ANKRD55: variants seen among roughly 807,000 people sequenced by gnomAD.
ANKRD55 encodes the protein ankyrin repeat domain-containing protein 55.
In ANKRD55, 41 loss-of-function variants were observed where a neutral mutation model predicts 60.6. That is an observed-to-expected ratio of 0.68 (90% CI 0.53 to 0.88). The LOEUF is 0.88. ANKRD55 is among the 40% of genes least tolerant of loss of function. ANKRD55 has a pLI of 0.00. For synonymous variants in ANKRD55, 264 were observed against 290.3 expected (o/e 0.91, Z 0.92); for missense variants, 732 against 767.6 (o/e 0.95, Z 0.55).
intron 2 of ANKRD55, among the ~76,000 whole-genome samples, chr5:56,214,015 G>A (rs1759743262): frequency 6.6e-6 from 1 of 152,254 alleles, no homozygotes. Context: ...CAAAGGAGAA[G>A]CAGAGGCACA....
rs368831669 is a variant in ANKRD55 at position 56,219,183 on chromosome 5, G to C, written c.58+13673C>G. Among the ~76,000 whole-genome samples, 65 of 142,890 alleles carry C rather than the reference G, an allele frequency of 4.5e-4. 2 individuals are homozygous for C. The Middle Eastern group carries it at 0.031, about 68-fold the overall frequency. 93.7% of individuals were successfully genotyped at this position (142,890 alleles called of 152,430 possible). Reference sequence around the variant, plus strand: ...AGCTATGTGGGAGGCTGGGGCAGGAGAATCACTTAAACCCCGGAGGTGGAG... The same window carrying C: ...AGCTATGTGGGAGGCTGGGGCAGGACAATCACTTAAACCCCGGAGGTGGAG... On this transcript the variant is annotated intron_variant, in intron 2 of 11. Coordinates refer to ENST00000341048, the MANE Select transcript of ANKRD55 (RefSeq NM_024669.3).
intron 9 of ANKRD55, among the ~76,000 whole-genome samples, chr5:56,112,192 C>T (rs321777): frequency 0.21 from 32,396 of 151,874 alleles, 3,992 homozygotes; most frequent in Middle Eastern, 0.35. Flanking sequence ...GGTTTGAGTT[C>T]AGGCTTCAAT....
intron 2 of ANKRD55, among the ~76,000 whole-genome samples, chr5:56,189,228 G>A (rs2111840400): frequency 6.6e-6 from 1 of 151,190 alleles, no homozygotes; most frequent in East Asian, 1.9e-4. Flanking sequence ...GGAGAATGGT[G>A]TGAATCCGGG....
rs189393871 is a variant in ANKRD55, at chr5:56,150,757, C to G, written c.484-6828G>C. On this transcript the variant is annotated intron_variant, in intron 6 of 11. Transcript: ENST00000341048. The stretch of plus-strand genomic sequence containing the variant: ...TACTAAAAAATACAAAAATTAGCCA[C>G]GTGTGGCGGTGGGTGCCTGTAATCC... Among the ~76,000 whole-genome samples, 1,160 of 151,780 alleles carry G rather than the reference C, an allele frequency of 7.6e-3. 25 individuals are homozygous for G. The highest frequency in any genetic ancestry group is 0.027 in the African/African-American group (1,099 of 41,344).
intron 6 of ANKRD55, among the ~76,000 whole-genome samples, chr5:56,157,434 G>A (rs1002160818): frequency 6.6e-6 from 1 of 152,206 alleles, no homozygotes; most frequent in Non-Finnish European, 1.5e-5. Context: ...CTGTGCTGAG[G>A]AGGATTAGTA....
At chr5:56,183,484 C>A (rs1417172585) in intron 3 of ANKRD55, 28 bp downstream of exon 3, 64 of 1,612,214 alleles carry the variant, frequency 4.0e-5, no homozygotes, top group Non-Finnish European at 5.3e-5. Context: ...GCAGAACATT[C>A]TGGATTCAAA....
chr5:56,108,437 C>T (rs1012044442), intron 10 of ANKRD55: 4 of 152,324 alleles, frequency 2.6e-5, no homozygotes, highest in African/African-American at 4.8e-5. Context: ...CCTTCCTGAT[C>T]CTTCTGCAGA....
At chr5:56,182,308 T>G (rs1232493195) in intron 3 of ANKRD55, among the ~76,000 whole-genome samples, 1 of 152,196 alleles carries the variant, frequency 6.6e-6, no homozygotes, top group East Asian at 1.9e-4. Flanking sequence ...TTATTGGCTA[T>G]TTCTTACTGT....
rs777574747 is a variant in ANKRD55, at chr5:56,143,863, T to A, written c.550A>T (p.Lys184Ter). The A allele has an allele frequency of 5.6e-6, 9 of 1,614,084 alleles. No homozygotes were observed. In the Admixed American group the frequency reaches 1.0e-4, roughly 18 times the overall value. ...QPQHTQMLLK[K>*]GADPTLVDKD... ...TCCACAAGGGTGGGGTCTGCCCCCT[T>A]CTTCAGCAGCATTTGTGTGTGTTGA... The change falls in exon 7 of 12, where the codon AAG becomes TAG. Residue 184 changes from lysine to a stop codon, truncating the protein, a stop_gained. Transcript: ENST00000341048. LOFTEE classifies it high-confidence loss of function.
At chr5:56,195,690 C>T (rs541742427) in intron 2 of ANKRD55, among the ~76,000 whole-genome samples, 1 of 152,294 alleles carries the variant, frequency 6.6e-6, no homozygotes, top group East Asian at 1.9e-4. Context: ...GTGATCTACC[C>T]ATCTCCGCCT....
intron 2 of ANKRD55, among the ~76,000 whole-genome samples, chr5:56,185,608 C>A (rs1338039160): frequency 6.6e-6 from 1 of 151,072 alleles, no homozygotes; most frequent in African/African-American, 2.4e-5. Context: ...GTGGAGGTTG[C>A]GGTGAGCCCA....
At position 56,176,299 on chromosome 5, in the gene ANKRD55, C is replaced by T. The variant is rs202018571; in HGVS notation, c.182-17G>A. 21 of 1,614,006 alleles carry T rather than the reference C, an allele frequency of 1.3e-5. No individual in the cohort carries two copies. Among genetic ancestry groups the T allele is most frequent in the Non-Finnish European group, 1.8e-5 (21 of 1,179,998 alleles). On this transcript the variant is annotated splice_polypyrimidine_tract_variant and intron_variant, in intron 3 of 11. Coordinates refer to ENST00000341048, the MANE Select transcript of ANKRD55 (RefSeq NM_024669.3). ...GCGTGCATCCTGGAATGAGACATTT[C>T]AACAGCCTTTAAACATGTGTGACCC...
At chr5:56,171,596 G>A (rs1445358285) in intron 4 of ANKRD55, among the ~76,000 whole-genome samples, 2 of 152,196 alleles carry the variant, frequency 1.3e-5, no homozygotes, top group Non-Finnish European at 2.9e-5. Context: ...GCATGCTAAA[G>A]AGGATGTCTC....
At chr5:56,102,364 C>A in intron 11 of ANKRD55, 130 bp downstream of exon 11, 1 of 555,592 alleles carries the variant, frequency 1.8e-6, no homozygotes, top group Non-Finnish European at 3.0e-6. Context: ...GCACTCTAGC[C>A]GGGGCGACAG....
At chr5:56,172,344 G>A (rs1758628498) in intron 4 of ANKRD55, among the ~76,000 whole-genome samples, 1 of 152,086 alleles carries the variant, frequency 6.6e-6, no homozygotes, top group South Asian at 2.1e-4. Context: ...TTGAGTCATA[G>A]TTTACTGATG....
chr5:56,147,505 ATTTATT>A (rs1757928110), intron 6 of ANKRD55, among the ~76,000 whole-genome samples: 1 of 152,204 alleles, frequency 6.6e-6, no homozygotes, highest in Admixed American at 6.5e-5. Flanking sequence ...GTTGGCAAAC[ATTTATT>A]TTTATAAGAT....
intron 2 of ANKRD55, among the ~76,000 whole-genome samples, chr5:56,190,351 T>G (rs775791424): frequency 2.0e-5 from 3 of 152,220 alleles, no homozygotes; most frequent in Non-Finnish European, 4.4e-5. Context: ...TGTTGATTTT[T>G]TCTTCTGTTG....
rs568611565 is a variant in ANKRD55 at position 56,221,885 on chromosome 5, G to A, written c.58+10971C>T. On this transcript the variant is annotated intron_variant, in intron 2 of 11. Transcript: ENST00000341048. Reference sequence around the variant, plus strand: ...GGTGGAGCCCACCGCAGTTCAAGGAGGCCTGCCTGCCTCTGTAGACTCCAC... The same window carrying A: ...GGTGGAGCCCACCGCAGTTCAAGGAAGCCTGCCTGCCTCTGTAGACTCCAC... Among the ~76,000 whole-genome samples, 911 of 152,358 alleles carry A rather than the reference G, an allele frequency of 6.0e-3. 5 individuals carry two copies. The highest frequency in any genetic ancestry group is 9.5e-3 in the Non-Finnish European group (645 of 68,030).
intron 2 of ANKRD55, among the ~76,000 whole-genome samples, chr5:56,218,767 A>G (rs1759883621): frequency 6.6e-6 from 1 of 152,128 alleles, no homozygotes; most frequent in African/African-American, 2.4e-5. Context: ...CTAGATTAAC[A>G]AAAAGCACAC....
Sources: gnomAD v4.1 joint callset for allele counts (sites outside exome capture counted in the v4.1 genomes callset) on GRCh38, gnomAD v4.1.1 for gene constraint, MANE v1.5 for transcripts, NCBI Gene and HGNC (gene_info 2026-07-23, HGNC 2026-07-21) for gene names.